The following TOMM7 variants were observed in gnomAD, a reference collection of about 807,000 sequenced individuals.
TOMM7 encodes the protein mitochondrial import receptor subunit TOM7 homolog.
A neutral mutation model predicts 9.5 loss-of-function variants in TOMM7; 8 were observed. The observed-to-expected ratio is 0.84, with a 90% CI of 0.49 to 1.51. TOMM7 has a LOEUF of 1.51. TOMM7 is among the 40% of genes most tolerant of loss of function. The pLI is 0.00. For synonymous variants in TOMM7, 27 were observed against 21.4 expected (o/e 1.26, Z -0.72); for missense variants, 74 against 63.7 (o/e 1.16, Z -0.55).
At chr7:22,821,816 C>A (rs982419451) in intron 1 of TOMM7, among the ~76,000 whole-genome samples, 1 of 151,926 alleles carries the variant, frequency 6.6e-6, no homozygotes, top group African/African-American at 2.4e-5. Flanking sequence ...AGTCTGCAAC[C>A]CTAACTGAAA....
chr7:22,819,009 C>T (rs137859059), intron 1 of TOMM7, among the ~76,000 whole-genome samples: 29 of 100,598 alleles, frequency 2.9e-4, no homozygotes, highest in East Asian at 2.2e-3. Context: ...AGAAAAAGGA[C>T]GGGGTGGAGG....
At position 22,813,035 on chromosome 7, in the gene TOMM7, T is replaced by TA. The variant is rs1782268123; in HGVS notation, c.*134dup. On this transcript the variant is annotated 3_prime_UTR_variant, in exon 3 of 3. Coordinates refer to ENST00000358435, the MANE Select transcript of TOMM7 (RefSeq NM_019059.5). Reference sequence around the variant, plus strand: ...TAAGTTAGTACAAGTTCCACTCTGCTACAGATGCGTCTGTGAAGAGCCTTG... The same window carrying TA: ...TAAGTTAGTACAAGTTCCACTCTGCTAACAGATGCGTCTGTGAAGAGCCTTG... 2.4e-6 allele frequency: 2 copies of TA among 839,684 alleles called. No individual in the cohort carries two copies. The allele number at this position is 839,684 out of a possible 1,614,324, so 52.0% of individuals were successfully genotyped here.
At chr7:22,822,635 C>T (rs1782409835) in intron 1 of TOMM7, 42 bp downstream of exon 1, 1 of 1,557,998 alleles carries the variant, frequency 6.4e-7, no homozygotes, top group Non-Finnish European at 8.9e-7. Flanking sequence ...TCTCCGCCAC[C>T]CTCTTCCCTC....
chr7:22,817,029 C>CA (rs1435665728), intron 2 of TOMM7, among the ~76,000 whole-genome samples: 1 of 152,178 alleles, frequency 6.6e-6, no homozygotes, highest in Non-Finnish European at 1.5e-5. Context: ...CTAGAATAGT[C>CA]AGTGAACAGT....
chr7:22,819,750 C>A (rs929848230), intron 1 of TOMM7, among the ~76,000 whole-genome samples: 1 of 152,144 alleles, frequency 6.6e-6, no homozygotes, highest in East Asian at 1.9e-4. Flanking sequence ...TTCCAAGGCT[C>A]TTCTACAAAC....
Position 22,813,175 on chromosome 7 carries a change from C to T in TOMM7, c.163G>A (p.Gly55Arg), listed in dbSNP as rs1177570612. The change falls in exon 3 of 3, where the codon GGA becomes AGA. Residue 55 changes from glycine (G) to arginine (R), a missense_variant. Physicochemically the swap from Gly to Arg is moderately radical, Grantham distance 125 (BLOSUM62 -2). Coordinates refer to ENST00000358435, the MANE Select transcript of TOMM7 (RefSeq NM_019059.5). ...PEPTVLSLLW[G>R] is the part of the protein sequence containing the mutation. ...CCAGAAGACCAAATAATCCTTTATC[C>T]CCAAAGTAGGCTAAAATGTTTGTGA... 1 of 1,612,812 alleles carries T rather than the reference C, an allele frequency of 6.2e-7. No homozygotes were observed. Among genetic ancestry groups the T allele is most frequent in the African/African-American group, 1.3e-5 (1 of 74,840 alleles).
chr7:22,818,562 T>TGAAC (rs1486002180), intron 1 of TOMM7, among the ~76,000 whole-genome samples: 21 of 152,294 alleles, frequency 1.4e-4, no homozygotes, highest in Non-Finnish European at 2.2e-4. Flanking sequence ...ATTACAGGTG[T>TGAAC]GAACCATCAT....
chr7:22,818,143 C>T, intron 1 of TOMM7, 95 bp from the exon 2 acceptor site: 1 of 1,216,424 alleles, frequency 8.2e-7, no homozygotes, highest in Non-Finnish European at 1.2e-6. Flanking sequence ...GTAATCCAAC[C>T]TAGGATAGTT....
chr7:22,818,811 T>G (rs1297976056), intron 1 of TOMM7, among the ~76,000 whole-genome samples: 1 of 151,890 alleles, frequency 6.6e-6, no homozygotes, highest in African/African-American at 2.4e-5. Flanking sequence ...AAGGTTTCAC[T>G]ATACAGTTCA....
Position 22,813,087 on chromosome 7 carries a change from G to C in TOMM7, c.*83C>G. The C allele has an allele frequency of 7.0e-7, 1 of 1,428,964 alleles. No homozygotes were observed. The allele number at this position is 1,428,964 out of a possible 1,614,324, so 88.5% of individuals were successfully genotyped here. ...GCCATCCAACTAGTGACTGAATGATGTCCCATCTCTTATCCGAGCCAGAGC... is the reference window on the plus strand; with the variant it reads ...GCCATCCAACTAGTGACTGAATGATCTCCCATCTCTTATCCGAGCCAGAGC... On this transcript the variant is annotated 3_prime_UTR_variant, in exon 3 of 3. Transcript: ENST00000358435.
In TOMM7 at chr7:22,817,913, C is replaced by T. The variant is rs964204410; in HGVS notation, c.152+87G>A. On this transcript the variant is annotated intron_variant, in intron 2 of 2. Transcript: ENST00000358435. ...TGACTGATAAAGCTCCATTTCAAGGCCTGCCACTATTACTCTTTTACATCT... is the reference window on the plus strand; with the variant it reads ...TGACTGATAAAGCTCCATTTCAAGGTCTGCCACTATTACTCTTTTACATCT... 6.1e-6 allele frequency: 8 copies of T among 1,305,854 alleles called. No homozygotes were observed. In the African/African-American group the frequency reaches 1.2e-4, roughly 19 times the overall value. 80.9% of individuals were successfully genotyped at this position (1,305,854 alleles called of 1,614,324 possible). A position where few individuals can be genotyped will look rare whatever the true frequency, so the allele number is the denominator to read the frequency against.
At chr7:22,822,275 G>A (rs1208632223) in intron 1 of TOMM7, 2 of 1,549,616 alleles carry the variant, frequency 1.3e-6, no homozygotes, top group Non-Finnish European at 8.7e-7. Flanking sequence ...TTCACGAGGT[G>A]TCTCGATTCC....
At chr7:22,813,217 A>C in intron 2 of TOMM7, 32 bp from the exon 3 acceptor site, 2 of 1,600,912 alleles carry the variant, frequency 1.2e-6, no homozygotes, top group Non-Finnish European at 1.7e-6. Flanking sequence ...GAAAGAAATT[A>C]AATTCCGAAA....
chr7:22,815,060 T>A (rs2128182012), intron 2 of TOMM7, among the ~76,000 whole-genome samples: 1 of 152,234 alleles, frequency 6.6e-6, no homozygotes, highest in East Asian at 1.9e-4. Flanking sequence ...ACTCACTCAC[T>A]CAATTCTTTC....
intron 1 of TOMM7, among the ~76,000 whole-genome samples, chr7:22,819,158 T>C (rs1028037661): frequency 2.0e-5 from 3 of 152,174 alleles, no homozygotes; most frequent in Non-Finnish European, 2.9e-5. Flanking sequence ...ATGACATATA[T>C]GTTCACTTGT....
chr7:22,821,856 C>T (rs1489875411), intron 1 of TOMM7, among the ~76,000 whole-genome samples: 3 of 152,054 alleles, frequency 2.0e-5, no homozygotes, highest in Non-Finnish European at 2.9e-5. Context: ...AGTAAGTGAC[C>T]GAGCCTGTTG....
intron 1 of TOMM7, among the ~76,000 whole-genome samples, chr7:22,820,969 G>A (rs1209007051): frequency 6.6e-6 from 1 of 152,160 alleles, no homozygotes; most frequent in Admixed American, 6.5e-5. Flanking sequence ...AATTAAATAG[G>A]AAGCAGCACC....
intron 1 of TOMM7, among the ~76,000 whole-genome samples, chr7:22,820,533 C>T: frequency 6.6e-6 from 1 of 152,076 alleles, no homozygotes; most frequent in East Asian, 1.9e-4. Flanking sequence ...ACCAAAGGGA[C>T]ACAAAAAGCA....
At chr7:22,816,213 G>A (rs538852239) in intron 2 of TOMM7, among the ~76,000 whole-genome samples, 1 of 152,266 alleles carries the variant, frequency 6.6e-6, no homozygotes, top group Admixed American at 6.5e-5. Context: ...ACCTTATTAG[G>A]TAGGTATTAT....
Sources: allele counts gnomAD v4.1 joint callset (sites outside exome capture counted in the v4.1 genomes callset), GRCh38; gene constraint gnomAD v4.1.1; transcripts MANE v1.5; gene names NCBI Gene and HGNC (gene_info 2026-07-23, HGNC 2026-07-21).